NRP2: variants seen among roughly 807,000 people sequenced by gnomAD.
NRP2 encodes the protein neuropilin 2, also known as neuropilin-2.
In NRP2, 52 loss-of-function variants were observed where a neutral mutation model predicts 110.4. The observed-to-expected ratio is 0.47, with a 90% CI of 0.38 to 0.59. NRP2 has a LOEUF of 0.59. Ranked by LOEUF, NRP2 falls within the 20% of genes least tolerant of loss-of-function variation. NRP2 has a pLI of 0.00. For synonymous variants in NRP2, 508 were observed against 468.9 expected, an observed-to-expected ratio of 1.08 and a Z score of -1.08; for missense variants, 1,049 against 1,203.0, an observed-to-expected ratio of 0.87 and a Z score of 1.89.
In NRP2 at chr2:205,766,785, C is replaced by A. The variant is rs1366664314; in HGVS notation, c.2407C>A (p.Pro803Thr). 1 of 1,612,918 alleles carries A rather than the reference C, an allele frequency of 6.2e-7. No individual in the cohort carries two copies. Among genetic ancestry groups the A allele is most frequent in the South Asian group, 1.1e-5 (1 of 90,998 alleles). Residue 803 changes from proline (P) to threonine (T), a missense_variant and splice_region_variant, in exon 15 of 17, where the codon CCC (proline) becomes ACC (threonine). Pro to Thr is a conservative substitution (Grantham distance 38). Coordinates refer to ENST00000357785, the MANE Select transcript of NRP2 (RefSeq NM_003872.3). ...TDVPLENCME[P>T]ISAFAVDIPE... is the part of the protein sequence containing the mutation. ...AATTTTTTGTTTGTTTTTTTCAGAA[C>A]CCATCTCGGCTTTTGCAGGTGAGAA...
At position 205,796,438 on chromosome 2, in the gene NRP2, A is replaced by ACACACATGCACGCACG. The variant is rs1331470403; in HGVS notation, c.*1384_*1399dup. ...TACACACATGCACGCACACACACAT[A>ACACACATGCACGCACG]CACACATGCACGCACGCACGCATGC... is the stretch of plus-strand genomic sequence containing the variant. On this transcript the variant is annotated 3_prime_UTR_variant, in exon 17 of 17. Coordinates refer to ENST00000357785, the MANE Select transcript of NRP2 (RefSeq NM_003872.3). The ACACACATGCACGCACG allele has an allele frequency of 1.3e-5, 2 of 152,526 alleles. No individual in the cohort carries two copies. Among genetic ancestry groups the ACACACATGCACGCACG allele is most frequent in the African/African-American group, 4.8e-5 (2 of 41,428 alleles). 9.4% of individuals were successfully genotyped at this position (152,526 alleles called of 1,614,324 possible).
chr2:205,785,728 G>A (rs1369939728), intron 15 of NRP2, among the ~76,000 whole-genome samples: 1 of 152,182 alleles, frequency 6.6e-6, no homozygotes, highest in Admixed American at 6.5e-5. Flanking sequence ...GGCCTCAGCT[G>A]CTCATCCGCC....
chr2:205,723,686 C>T, intron 4 of NRP2, 99 bp from the exon 5 acceptor site: 2 of 1,185,118 alleles, frequency 1.7e-6, no homozygotes, highest in East Asian at 2.4e-5. Flanking sequence ...ACAAAGTGTG[C>T]TCCACTGAAT....
At position 205,794,898 on chromosome 2, in the gene NRP2, T is replaced by TG; in HGVS notation, c.2626dup (p.Ala876GlyfsTer37). ...GCCATGAGCTCACTGGGCGTCCTCCTGGGGGCCACCTGTGCAGGCCTCCTG... is the reference window on the plus strand; with the variant it reads ...GCCATGAGCTCACTGGGCGTCCTCCTGGGGGGCCACCTGTGCAGGCCTCCTG... On this transcript the variant is annotated frameshift_variant, in exon 17 of 17. Coordinates refer to ENST00000357785, the MANE Select transcript of NRP2 (RefSeq NM_003872.3). LOFTEE classifies it high-confidence loss of function. 1 of 1,614,194 alleles carries TG rather than the reference T, an allele frequency of 6.2e-7. No homozygotes were observed. Among genetic ancestry groups the TG allele is most frequent in the Non-Finnish European group, 8.5e-7 (1 of 1,180,024 alleles).
chr2:205,707,836 TAAAG>T (rs2056713558), intron 2 of NRP2, among the ~76,000 whole-genome samples: 3 of 152,020 alleles, frequency 2.0e-5, no homozygotes, highest in African/African-American at 7.3e-5. Context: ...CCCTGCCGAG[TAAAG>T]GGGCACTGCC....
Position 205,744,360 on chromosome 2 carries a change from C to T in NRP2, c.1641+808C>T, listed in dbSNP as rs138423044. 6.8e-4 allele frequency among the ~76,000 whole-genome samples: 103 copies of T among 152,308 alleles called. 2 individuals carry two copies. The highest frequency in any genetic ancestry group is 2.2e-3 in the African/African-American group (92 of 41,562). On this transcript the variant is annotated intron_variant, in intron 9 of 16. Transcript: ENST00000357785. ...ACTAGAGGATGACTTCCAAAAATAA[C>T]GATGTTTTTCTGAATGTCGCTGCAT...
intron 5 of NRP2, among the ~76,000 whole-genome samples, chr2:205,724,760 G>A (rs892632679): frequency 4.4e-5 from 6 of 136,130 alleles, no homozygotes; most frequent in Non-Finnish European, 7.6e-5. Context: ...TCCACCTCCC[G>A]GGTTTAAGCA....
At chr2:205,707,846 C>T (rs2056713840) in intron 2 of NRP2, among the ~76,000 whole-genome samples, 1 of 152,170 alleles carries the variant, frequency 6.6e-6, no homozygotes, top group East Asian at 1.9e-4. Flanking sequence ...TAAAGGGGCA[C>T]TGCCAGCACA....
At chr2:205,787,065 G>T (rs537735370) in intron 15 of NRP2, among the ~76,000 whole-genome samples, 6 of 152,090 alleles carry the variant, frequency 3.9e-5, no homozygotes, top group Non-Finnish European at 8.8e-5. Context: ...AAAGGCCCTC[G>T]TACCTTTCTC....
intron 11 of NRP2, among the ~76,000 whole-genome samples, chr2:205,750,787 A>G (rs1344703786): frequency 6.6e-6 from 1 of 152,226 alleles, no homozygotes. Context: ...ACATAAAGAT[A>G]TAGGTAGATG....
At chr2:205,722,206 C>T in intron 3 of NRP2, 1 of 493,766 alleles carries the variant, frequency 2.0e-6, no homozygotes. Context: ...CACACACACA[C>T]ACACACTTCT....
chr2:205,789,167 T>C (rs1157430354), intron 15 of NRP2, among the ~76,000 whole-genome samples: 1 of 152,176 alleles, frequency 6.6e-6, no homozygotes, highest in East Asian at 1.9e-4. Context: ...AGTAGGGATA[T>C]GGTGGTAGTT....
intron 2 of NRP2, among the ~76,000 whole-genome samples, chr2:205,706,283 C>T (rs73983227): frequency 0.019 from 2,861 of 151,942 alleles, 104 homozygotes; most frequent in African/African-American, 0.065. Flanking sequence ...AGTCCGTGGC[C>T]GAGCTGTCAG....
At chr2:205,745,108 C>G (rs1309863283) in intron 9 of NRP2, among the ~76,000 whole-genome samples, 1 of 152,150 alleles carries the variant, frequency 6.6e-6, no homozygotes, top group African/African-American at 2.4e-5. Context: ...TCCAAAGCAG[C>G]CCCCTGCTCC....
chr2:205,793,705 A>T (rs74516172), intron 16 of NRP2, among the ~76,000 whole-genome samples: 1,686 of 152,268 alleles, frequency 0.011, 41 homozygotes, highest in African/African-American at 0.038. Flanking sequence ...TTTTCTAAGG[A>T]TACCACTTTT....
At chr2:205,724,565 C>T (rs2057088074) in intron 5 of NRP2, among the ~76,000 whole-genome samples, 1 of 151,916 alleles carries the variant, frequency 6.6e-6, no homozygotes, top group Non-Finnish European at 1.5e-5. Flanking sequence ...CCTGCAGTCC[C>T]TCAGCACTGA....
chr2:205,703,901 C>T (rs997252198), intron 2 of NRP2, among the ~76,000 whole-genome samples: 1 of 152,158 alleles, frequency 6.6e-6, no homozygotes, highest in Non-Finnish European at 1.5e-5. Context: ...ACCCTTTTCC[C>T]GGTGAAGAGG....
chr2:205,773,760 G>A (rs1260375456), intron 15 of NRP2, among the ~76,000 whole-genome samples: 1 of 152,226 alleles, frequency 6.6e-6, no homozygotes, highest in Non-Finnish European at 1.5e-5. Context: ...GCCATAGGTT[G>A]TGTATTTTGT....
At chr2:205,743,648 T>G in intron 9 of NRP2, 96 bp downstream of exon 9, 1 of 1,523,264 alleles carries the variant, frequency 6.6e-7, no homozygotes, top group South Asian at 1.3e-5. Flanking sequence ...ATCTAAACAG[T>G]CGTCATCCAA....
Sources: gnomAD v4.1 joint callset for allele counts (sites outside exome capture counted in the v4.1 genomes callset) on GRCh38, gnomAD v4.1.1 for gene constraint, MANE v1.5 for transcripts, NCBI Gene and HGNC (gene_info 2026-07-23, HGNC 2026-07-21) for gene names.